The following PPP1R13B variants were observed in gnomAD, a reference collection of about 807,000 sequenced individuals.
PPP1R13B encodes protein phosphatase 1 regulatory subunit 13B.
A neutral mutation model predicts 119.8 loss-of-function variants in PPP1R13B; 44 were observed. The observed-to-expected ratio is 0.37, with a 90% CI of 0.29 to 0.47. PPP1R13B has a LOEUF of 0.47. PPP1R13B is among the 20% of genes least tolerant of loss of function. PPP1R13B has a pLI of 0.99. For missense variants in PPP1R13B, 1,227 were observed against 1,413.5 expected, an observed-to-expected ratio of 0.87 and a Z score of 2.12; for synonymous variants, 542 against 561.5, an observed-to-expected ratio of 0.97 and a Z score of 0.49.
chr14:103,818,573 G>A, intron 1 of PPP1R13B: 3 of 799,538 alleles, frequency 3.8e-6, no homozygotes, highest in South Asian at 5.7e-5. Flanking sequence ...CAACCTCAGA[G>A]ACATCAACTG....
intron 1 of PPP1R13B, among the ~76,000 whole-genome samples, chr14:103,836,968 A>T (rs1415424084): frequency 1.3e-5 from 2 of 152,190 alleles, no homozygotes; most frequent in Non-Finnish European, 2.9e-5. Flanking sequence ...GTTGACTATT[A>T]TTTACTGATA....
chr14:103,829,526 T>C (rs1159474832), intron 1 of PPP1R13B, among the ~76,000 whole-genome samples: 2 of 152,148 alleles, frequency 1.3e-5, no homozygotes, highest in Non-Finnish European at 2.9e-5. Flanking sequence ...CCTCCCAAAA[T>C]GATGGGATTA....
intron 1 of PPP1R13B, among the ~76,000 whole-genome samples, chr14:103,798,212 C>T (rs895289903): frequency 3.6e-5 from 5 of 139,996 alleles, no homozygotes; most frequent in Admixed American, 7.7e-5. Context: ...AGTGCAGTGG[C>T]GCGATCTCGG....
chr14:103,841,581 C>T (rs2086909763), intron 1 of PPP1R13B, among the ~76,000 whole-genome samples: 1 of 151,832 alleles, frequency 6.6e-6, no homozygotes, highest in Admixed American at 6.6e-5. Flanking sequence ...CAGGTCAACA[C>T]TCCAACTCAA....
chr14:103,807,979 GC>G (rs1354190587), intron 1 of PPP1R13B, among the ~76,000 whole-genome samples: 1 of 151,722 alleles, frequency 6.6e-6, no homozygotes, highest in Non-Finnish European at 1.5e-5. Context: ...AGTGGCTCAT[GC>G]CTATAATCCC....
intron 4 of PPP1R13B, among the ~76,000 whole-genome samples, chr14:103,765,984 A>ATT (rs1277055527): frequency 8.9e-6 from 1 of 111,776 alleles, no homozygotes; most frequent in African/African-American, 3.7e-5. Flanking sequence ...GGAAATTTTT[A>ATT]TTTTATTATT....
chr14:103,822,194 G>C (rs1026668055), intron 1 of PPP1R13B, among the ~76,000 whole-genome samples: 1 of 151,996 alleles, frequency 6.6e-6, no homozygotes, highest in Non-Finnish European at 1.5e-5. Flanking sequence ...GGGTGCAGTG[G>C]CACAGTCTCA....
At chr14:103,777,354 A>G (rs543877289) in intron 4 of PPP1R13B, among the ~76,000 whole-genome samples, 7 of 152,130 alleles carry the variant, frequency 4.6e-5, no homozygotes, top group African/African-American at 1.2e-4. Context: ...TAAGCATTCC[A>G]TCTATTCTCC....
intron 1 of PPP1R13B, among the ~76,000 whole-genome samples, chr14:103,818,111 T>C (rs1420187866): frequency 6.6e-6 from 1 of 152,218 alleles, no homozygotes; most frequent in Non-Finnish European, 1.5e-5. Context: ...TTAGTAGATA[T>C]TCATCGTAAA....
Position 103,803,644 on chromosome 14 carries a change from AAAAT to A in PPP1R13B, c.10-6130_10-6127del, listed in dbSNP as rs992152306. ...GGCAACAGAGCGAGACTCCGTCTCAAAAATAAATAAATAAATAAATAATTAATTA... is the reference window on the plus strand; with the variant it reads ...GGCAACAGAGCGAGACTCCGTCTCAAAAATAAATAAATAAATAATTAATTA... On this transcript the variant is annotated intron_variant, in intron 1 of 16. Transcript: ENST00000202556. Among the ~76,000 whole-genome samples the A allele has an allele frequency of 5.0e-3, 759 of 152,198 alleles. 8 individuals are homozygous for A. The highest frequency in any genetic ancestry group is 0.017 in the African/African-American group (715 of 41,556).
rs763418919 is a variant in PPP1R13B at position 103,737,782 on chromosome 14, A to G, written c.2943T>C (p.Phe981=). ...KQLVESGAAI[F]ASTISDIETA... ...TTTCAATGTCGCTTATGGTTGAGGC[A>G]AAAATGGCGGCACCACTCTCCACCA... The change falls in exon 15 of 17, where the codon TTT becomes TTC. Residue 981 remains phenylalanine, a synonymous_variant. Coordinates refer to ENST00000202556, the MANE Select transcript of PPP1R13B (RefSeq NM_015316.3). 7 of 1,614,216 alleles carry G rather than the reference A, an allele frequency of 4.3e-6. No individual in the cohort carries two copies. The South Asian group carries it at 7.7e-5, about 18-fold the overall frequency.
chr14:103,814,878 G>C (rs935977150), intron 1 of PPP1R13B, among the ~76,000 whole-genome samples: 4 of 151,964 alleles, frequency 2.6e-5, no homozygotes, highest in African/African-American at 9.7e-5. Flanking sequence ...CCGGGAGGTG[G>C]AGCTTGCAGT....
At chr14:103,735,953 G>A in intron 16 of PPP1R13B, 50 bp downstream of exon 16, 3 of 1,597,500 alleles carry the variant, frequency 1.9e-6, no homozygotes, top group Admixed American at 1.7e-5. Flanking sequence ...ACCGCATGCT[G>A]TACAGAGACA....
In PPP1R13B at chr14:103,754,201, T is replaced by G; in HGVS notation, c.500A>C (p.Gln167Pro). The G allele has an allele frequency of 6.2e-7, 1 of 1,614,100 alleles. No homozygotes were observed. The highest frequency in any genetic ancestry group is 8.5e-7 in the Non-Finnish European group (1 of 1,180,000). ...HFLKQQERRQ[Q>P]QSISENEKLQ... is the part of the protein sequence containing the mutation. ...CTTTTCATTTTCAGAAATAGACTGC[T>G]GCTGACGGCGCTCCTGTTGCTTTAG... Residue 167 changes from glutamine (Q) to proline (P), a missense_variant, in exon 6 of 17, where the codon CAG becomes CCG. By Grantham distance (76) the Gln-to-Pro change is moderately conservative. Transcript: ENST00000202556.
intron 1 of PPP1R13B, among the ~76,000 whole-genome samples, chr14:103,813,156 T>G (rs1331706646): frequency 6.6e-6 from 1 of 152,152 alleles, no homozygotes; most frequent in East Asian, 1.9e-4. Context: ...AACCAAGATG[T>G]CCTTCAGTAG....
At chr14:103,777,958 CTTT>C (rs34091327) in intron 4 of PPP1R13B, among the ~76,000 whole-genome samples, 10 of 144,410 alleles carry the variant, frequency 6.9e-5, no homozygotes, top group African/African-American at 1.8e-4. Context: ...CCACATCTGA[CTTT>C]TTTTTTTTTG....
chr14:103,738,040 A>G lies in PPP1R13B; in HGVS notation c.2865-180T>C, dbSNP rs949475073. On this transcript the variant is annotated intron_variant, in intron 14 of 16. Transcript: ENST00000202556. The surrounding 1 kb of genome is among the most constrained non-coding windows in gnomAD (Gnocchi z 5.6). ...GCCAATTGTTTCAGACCATACATAC[A>G]TTTTGAAAAGGGGGCACAGGGAATG... Among the ~76,000 whole-genome samples the G allele has an allele frequency of 5.9e-5, 9 of 152,218 alleles. No individual in the cohort carries two copies. The East Asian group carries it at 1.3e-3, about 23-fold the overall frequency.
rs1038396751 is a variant in PPP1R13B at position 103,847,107 on chromosome 14, G to T, written c.9+192C>A. 1.8e-5 allele frequency: 18 copies of T among 985,760 alleles called. No individual in the cohort carries two copies. The African/African-American group carries it at 2.5e-4, about 13-fold the overall frequency. The allele number at this position is 985,760 out of a possible 1,614,324, so 61.1% of individuals were successfully genotyped here. ...GGCCCGCAGGCGGCCCCGGCCCCGC[G>T]CTGACAGCCCGGCGCCGCCCCCACC... On this transcript the variant is annotated intron_variant, in intron 1 of 16. Transcript: ENST00000202556.
chr14:103,836,755 G>A (rs944592929), intron 1 of PPP1R13B, among the ~76,000 whole-genome samples: 4 of 144,834 alleles, frequency 2.8e-5, no homozygotes, highest in Non-Finnish European at 6.0e-5. Context: ...GGGCAACAGA[G>A]CAAGAGTCTG....
Sources: allele counts gnomAD v4.1 joint callset (sites outside exome capture counted in the v4.1 genomes callset), GRCh38; gene constraint gnomAD v4.1.1; non-coding constraint Gnocchi (gnomAD v3.1); transcripts MANE v1.5; gene names NCBI Gene and HGNC (gene_info 2026-07-23, HGNC 2026-07-21).